SLCO1B1: variants seen among roughly 807,000 people sequenced by gnomAD.
The protein encoded by SLCO1B1 is OATP-2.
Under a neutral mutation model 70.1 loss-of-function variants are expected in SLCO1B1, and 81 were observed. The observed-to-expected ratio is 1.16, with a 90% confidence interval of 0.97 to 1.39. SLCO1B1 has a LOEUF of 1.39. Among genes scored for constraint, SLCO1B1 ranks in the 40% most tolerant of loss-of-function variants. The pLI is 0.00. For synonymous variants in SLCO1B1, 283 were observed against 271.5 expected, an observed-to-expected ratio of 1.04 and a Z score of -0.42; for missense variants, 895 against 799.6, an observed-to-expected ratio of 1.12 and a Z score of -1.44.
chr12:21,182,762 T>C (rs960946359), intron 7 of SLCO1B1, among the ~76,000 whole-genome samples: 1 of 151,902 alleles, frequency 6.6e-6, no homozygotes. Context: ...AGTGCATAGC[T>C]TGGGAGTGTG....
Position 21,139,891 on chromosome 12 carries a change from C to CTGATT in SLCO1B1, c.-61-1623_-61-1622insTGATT, listed in dbSNP as rs1565663438. Among the ~76,000 whole-genome samples, 4 of 151,832 alleles carry CTGATT rather than the reference C, an allele frequency of 2.6e-5. No individual in the cohort carries two copies. In the South Asian group the frequency reaches 8.3e-4, roughly 32 times the overall value. On this transcript the variant is annotated intron_variant, in intron 1 of 14. Coordinates refer to ENST00000256958, the MANE Select transcript of SLCO1B1 (RefSeq NM_006446.5). ...CTGAGTTGAATGTTTCGAATGGGCC[C>CTGATT]CAAAGATAGTGCTGAAGTGCTCTCC...
At chr12:21,134,819 G>A (rs182961558) in intron 1 of SLCO1B1, among the ~76,000 whole-genome samples, 51 of 152,094 alleles carry the variant, frequency 3.4e-4, no homozygotes, top group African/African-American at 1.2e-3. Context: ...AGGGTTTTTT[G>A]TGTCTCTATT....
At chr12:21,223,217 T>C (rs1409603452) in intron 13 of SLCO1B1, among the ~76,000 whole-genome samples, 2 of 152,142 alleles carry the variant, frequency 1.3e-5, no homozygotes, top group East Asian at 3.9e-4. Context: ...CCATTCTAAT[T>C]CTGAGTATCC....
intron 14 of SLCO1B1, among the ~76,000 whole-genome samples, chr12:21,226,791 T>C (rs1311498034): frequency 6.6e-5 from 10 of 152,104 alleles, no homozygotes; most frequent in Admixed American, 4.6e-4. Flanking sequence ...CTGTTAATGA[T>C]AGGGGAAACT....
At chr12:21,143,280 G>T (rs958163533) in intron 2 of SLCO1B1, among the ~76,000 whole-genome samples, 2 of 151,860 alleles carry the variant, frequency 1.3e-5, no homozygotes. Flanking sequence ...ATTAACAAAA[G>T]TTGCTGAAAA....
chr12:21,176,442 G>A (rs1342970133), intron 4 of SLCO1B1, among the ~76,000 whole-genome samples: 1 of 152,042 alleles, frequency 6.6e-6, no homozygotes, highest in Non-Finnish European at 1.5e-5. Flanking sequence ...AATTCAAAAG[G>A]ATGAATGGTT....
intron 2 of SLCO1B1, among the ~76,000 whole-genome samples, chr12:21,144,574 A>G (rs531499031): frequency 6.6e-6 from 1 of 152,084 alleles, no homozygotes; most frequent in Non-Finnish European, 1.5e-5. Context: ...TCCCTTCAAG[A>G]TACTATACAA....
chr12:21,153,147 T>C (rs927823115), intron 2 of SLCO1B1, among the ~76,000 whole-genome samples: 1 of 152,172 alleles, frequency 6.6e-6, no homozygotes, highest in African/African-American at 2.4e-5. Context: ...TCACCTCTTT[T>C]ACAGATCCAG....
intron 7 of SLCO1B1, among the ~76,000 whole-genome samples, chr12:21,189,113 T>C (rs1305953491): frequency 1.3e-5 from 2 of 152,182 alleles, no homozygotes; most frequent in African/African-American, 4.8e-5. Context: ...ATTTCAATTC[T>C]TTTATATATG....
chr12:21,225,356 C>T (rs1647604502), intron 14 of SLCO1B1, among the ~76,000 whole-genome samples: 2 of 151,738 alleles, frequency 1.3e-5, no homozygotes, highest in South Asian at 2.1e-4. Context: ...AGAGATATTC[C>T]GTAAGTGACA....
chr12:21,161,974 C>T (rs1940625271), intron 2 of SLCO1B1, among the ~76,000 whole-genome samples: 1 of 151,960 alleles, frequency 6.6e-6, no homozygotes, highest in Admixed American at 6.6e-5. Context: ...CAACAGTGCA[C>T]TTTAGCCTGG....
intron 2 of SLCO1B1, among the ~76,000 whole-genome samples, chr12:21,144,654 G>A (rs1940357401): frequency 6.6e-6 from 1 of 152,002 alleles, no homozygotes; most frequent in South Asian, 2.1e-4. Context: ...AACCTTAAAG[G>A]CAGCTAGAGA....
At chr12:21,209,767 G>A (rs550160226) in intron 11 of SLCO1B1, among the ~76,000 whole-genome samples, 4 of 151,162 alleles carry the variant, frequency 2.6e-5, no homozygotes, top group Admixed American at 6.6e-5. Context: ...GGTGTGAGAT[G>A]GTATCTCATT....
chr12:21,200,306 A>G (rs1941141519), intron 8 of SLCO1B1, among the ~76,000 whole-genome samples: 1 of 152,172 alleles, frequency 6.6e-6, no homozygotes, highest in Admixed American at 6.5e-5. Flanking sequence ...CTAAACTAAT[A>G]AATATTAATA....
chr12:21,195,545 G>C (rs1007755128), intron 7 of SLCO1B1, among the ~76,000 whole-genome samples: 2 of 152,092 alleles, frequency 1.3e-5, no homozygotes, highest in African/African-American at 4.8e-5. Flanking sequence ...GCTCTTTGTA[G>C]CCCATTGGAA....
At chr12:21,180,378 T>C (rs890441268) in intron 7 of SLCO1B1, among the ~76,000 whole-genome samples, 2 of 152,172 alleles carry the variant, frequency 1.3e-5, no homozygotes, top group Non-Finnish European at 2.9e-5. Flanking sequence ...ACTTCACCAC[T>C]TTCCATTAGT....
At chr12:21,200,854 C>T (rs12305852) in intron 9 of SLCO1B1, among the ~76,000 whole-genome samples, 182 bp downstream of exon 9, 1,763 of 152,110 alleles carry the variant, frequency 0.012, 45 homozygotes, top group South Asian at 0.04. Context: ...TATTGCTCTG[C>T]ATTTGAAGTT....
At chr12:21,144,393 A>C (rs1591797352) in intron 2 of SLCO1B1, among the ~76,000 whole-genome samples, 1 of 152,134 alleles carries the variant, frequency 6.6e-6, no homozygotes, top group Admixed American at 6.6e-5. Context: ...AATGAAAAAA[A>C]CCTCTGAGAA....
intron 7 of SLCO1B1, among the ~76,000 whole-genome samples, chr12:21,182,826 C>T (rs1940920714): frequency 6.6e-6 from 1 of 152,094 alleles, no homozygotes; most frequent in Non-Finnish European, 1.5e-5. Flanking sequence ...AATCTCAGAA[C>T]ACTGAGAGGG....
Sources: allele counts gnomAD v4.1 joint callset (sites outside exome capture counted in the v4.1 genomes callset), GRCh38; gene constraint gnomAD v4.1.1; transcripts MANE v1.5; gene names NCBI Gene and HGNC (gene_info 2026-07-23, HGNC 2026-07-21).